The following ZNF66 variants were observed in gnomAD, a reference collection of about 807,000 sequenced individuals.
ZNF66 encodes putative zinc finger protein 66.
ZNF66 carries 32 observed loss-of-function variants against 35.2 expected under a neutral mutation model. That is an observed-to-expected ratio of 0.91 (90% CI 0.69 to 1.22). The LOEUF is 1.22. Ranked by LOEUF, ZNF66 falls within the 50% of genes most tolerant of loss-of-function variation. The pLI, the probability that ZNF66 is intolerant of heterozygous loss-of-function variation, is 0.00. For synonymous variants in ZNF66, 231 were observed against 181.3 expected, an observed-to-expected ratio of 1.27 and a Z score of -2.20; for missense variants, 666 against 543.1, an observed-to-expected ratio of 1.23 and a Z score of -2.25.
At position 20,807,579 on chromosome 19, in the gene ZNF66, ATTC is replaced by A. The variant is rs778950708; in HGVS notation, c.*260_*262del. ...CATAGCCTATAACAATTTTCAATCA[ATTC>A]TTTTTTTTTTTTTTTGAGATGAAGT... On this transcript the variant is annotated 3_prime_UTR_variant, in exon 4 of 4. Transcript: ENST00000344519. Among the ~76,000 whole-genome samples, 1 of 143,066 alleles carries A rather than the reference ATTC, an allele frequency of 7.0e-6. No homozygotes were observed. The highest frequency in any genetic ancestry group is 1.5e-5 in the Non-Finnish European group (1 of 65,826). 93.9% of individuals were successfully genotyped at this position (143,066 alleles called of 152,430 possible). A position where few individuals can be genotyped will look rare whatever the true frequency, so the allele number is the denominator to read the frequency against.
intron 1 of ZNF66, among the ~76,000 whole-genome samples, chr19:20,786,897 G>C (rs1430868243): frequency 6.6e-6 from 1 of 152,126 alleles, no homozygotes; most frequent in Non-Finnish European, 1.5e-5. Flanking sequence ...CAGTAGCTGG[G>C]ATTACAGACA....
At chr19:20,792,837 G>GC (rs1203671087) in intron 2 of ZNF66, among the ~76,000 whole-genome samples, 199 bp downstream of exon 2, 1 of 152,032 alleles carries the variant, frequency 6.6e-6, no homozygotes, top group East Asian at 1.9e-4. Flanking sequence ...GGAGGCTGAG[G>GC]CAGGGGGATT....
intron 1 of ZNF66, among the ~76,000 whole-genome samples, chr19:20,777,771 A>C (rs1474466674): frequency 6.6e-6 from 1 of 152,008 alleles, no homozygotes; most frequent in Non-Finnish European, 1.5e-5. Flanking sequence ...GACTACAGGC[A>C]AGCGCCACCA....
intron 1 of ZNF66, among the ~76,000 whole-genome samples, chr19:20,784,380 A>G (rs1447787093): frequency 2.6e-5 from 4 of 152,186 alleles, no homozygotes; most frequent in Non-Finnish European, 5.9e-5. Flanking sequence ...TACAGTAGAT[A>G]TTTGTCTGAC....
rs376286454 is a variant in ZNF66, at chr19:20,780,470, G to T, written c.3+4020G>T. 3.1e-4 allele frequency among the ~76,000 whole-genome samples: 47 copies of T among 152,198 alleles called. 1 individual carries two copies. In the South Asian group the frequency reaches 9.8e-3, roughly 32 times the overall value. The stretch of plus-strand genomic sequence containing the variant: ...TACCAGATTATTAAAATTCAGAGAG[G>T]TTATGGGACTAACAAGTTTTTAAAC... On this transcript the variant is annotated intron_variant, in intron 1 of 3. Transcript: ENST00000344519.
intron 3 of ZNF66, among the ~76,000 whole-genome samples, chr19:20,795,063 C>T (rs910045124): frequency 3.3e-5 from 5 of 151,824 alleles, no homozygotes; most frequent in African/African-American, 7.2e-5. Context: ...TTGGTAGAGA[C>T]GGTGTTTCAC....
intron 2 of ZNF66, 52 bp downstream of exon 2, chr19:20,792,690 C>T: frequency 1.9e-6 from 2 of 1,032,764 alleles, no homozygotes. Flanking sequence ...TGTTTTATTT[C>T]TCTTTTTTGT....
intron 1 of ZNF66, among the ~76,000 whole-genome samples, chr19:20,776,964 A>T (rs1971200714): frequency 6.6e-6 from 1 of 151,854 alleles, no homozygotes; most frequent in African/African-American, 2.4e-5. Context: ...AAAATACAAA[A>T]ATTAGGTGGA....
At chr19:20,788,610 G>A (rs1338379003) in intron 1 of ZNF66, among the ~76,000 whole-genome samples, 4 of 151,862 alleles carry the variant, frequency 2.6e-5, no homozygotes, top group Admixed American at 2.6e-4. Flanking sequence ...TCACCATCTT[G>A]GTCAGACTGG....
chr19:20,776,470 A>G lies in ZNF66; in HGVS notation c.3+20A>G, dbSNP rs1212520125. ...GAAATGGTGAGAGTGCCGGTCCAGC[A>G]TCCCGAGAGAGGTGAAGTGTCTGTG... is the stretch of plus-strand genomic sequence containing the variant. On this transcript the variant is annotated intron_variant, in intron 1 of 3. Coordinates refer to ENST00000344519, the MANE Select transcript of ZNF66 (RefSeq NM_001355197.2). 1 of 1,542,140 alleles carries G rather than the reference A, an allele frequency of 6.5e-7. No individual in the cohort carries two copies. Among genetic ancestry groups the G allele is most frequent in the East Asian group, 2.3e-5 (1 of 44,318 alleles).
At chr19:20,777,842 C>G (rs1971210100) in intron 1 of ZNF66, among the ~76,000 whole-genome samples, 1 of 151,842 alleles carries the variant, frequency 6.6e-6, no homozygotes. Flanking sequence ...GCCAGGAATG[C>G]TAGTTACCAA....
intron 3 of ZNF66, among the ~76,000 whole-genome samples, chr19:20,795,640 T>TA (rs1350915199): frequency 6.6e-6 from 1 of 152,166 alleles, no homozygotes; most frequent in African/African-American, 2.4e-5. Context: ...TTGCTGGAAT[T>TA]ACAGGTGTGA....
intron 3 of ZNF66, among the ~76,000 whole-genome samples, chr19:20,804,971 G>A (rs1411488999): frequency 3.3e-5 from 5 of 151,950 alleles, no homozygotes; most frequent in East Asian, 1.9e-4. Context: ...AACTTATATC[G>A]TCATTTCCTT....
chr19:20,799,065 C>CTTTTTTTTTTTTTTTTTTT (rs746296804), intron 3 of ZNF66: 3 of 128,142 alleles, frequency 2.3e-5, no homozygotes, highest in Non-Finnish European at 3.3e-5. Flanking sequence ...TTCTTTCTTT[C>CTTTTTTTTTTTTTTTTTTT]TTTTTTTTTT....
At chr19:20,792,325 C>G (rs952257679) in intron 1 of ZNF66, among the ~76,000 whole-genome samples, 187 bp from the exon 2 acceptor site, 2 of 146,678 alleles carry the variant, frequency 1.4e-5, no homozygotes, top group Admixed American at 1.4e-4. Flanking sequence ...TCTTATGTTC[C>G]TTTATTTTCT....
rs1185045288 is a variant in ZNF66, at chr19:20,797,272, C to T, written c.226+3394C>T. On this transcript the variant is annotated intron_variant, in intron 3 of 3. Coordinates refer to ENST00000344519, the MANE Select transcript of ZNF66 (RefSeq NM_001355197.2). The stretch of plus-strand genomic sequence containing the variant: ...CCAGGCTGGAGTGCAGTGGCGCAAT[C>T]TCGGCTCACTGCAGGCTCCGCCCCC... 2.9e-5 allele frequency among the ~76,000 whole-genome samples: 3 copies of T among 104,520 alleles called. 1 individual carries two copies. The highest frequency in any genetic ancestry group is 5.6e-5 in the Non-Finnish European group (3 of 53,460). 68.6% of individuals were successfully genotyped at this position (104,520 alleles called of 152,430 possible). A position where few individuals can be genotyped will look rare whatever the true frequency, so the allele number is the denominator to read the frequency against.
intron 1 of ZNF66, among the ~76,000 whole-genome samples, chr19:20,788,102 G>C (rs1971304332): frequency 6.6e-6 from 1 of 152,164 alleles, no homozygotes. Context: ...GGTATCTTTG[G>C]TTGCTACCCA....
Position 20,806,602 on chromosome 19 carries a change from T to A in ZNF66, c.1002T>A (p.Ile334=). Residue 334 remains isoleucine (I), a synonymous_variant, in exon 4 of 4, where the codon ATT becomes ATA. Transcript: ENST00000344519. The part of the protein sequence containing the change: ...WSSHLTTHKR[I]HTGEKPYKCE... The stretch of plus-strand genomic sequence containing the variant: ...CACACCTTACTACACATAAGAGAAT[T>A]CATACTGGAGAGAAACCCTACAAAT... 2.5e-6 allele frequency: 4 copies of A among 1,593,230 alleles called. No homozygotes were observed. The highest frequency in any genetic ancestry group is 3.4e-6 in the Non-Finnish European group (4 of 1,162,234).
At position 20,809,375 on chromosome 19, in the gene ZNF66, T is replaced by C. The variant is rs1026848532; in HGVS notation, c.*2053T>C. Among the ~76,000 whole-genome samples, 10 of 151,824 alleles carry C rather than the reference T, an allele frequency of 6.6e-5. No individual in the cohort carries two copies. The highest frequency in any genetic ancestry group is 5.3e-4 in the Admixed American group (8 of 15,232). ...AGAAGAGCAACTCCAAGACACATAA[T>C]TGTCAGATTCACCAAAGTTGAAATG... On this transcript the variant is annotated 3_prime_UTR_variant, in exon 4 of 4. Coordinates refer to ENST00000344519, the MANE Select transcript of ZNF66 (RefSeq NM_001355197.2).
Sources: gnomAD v4.1 joint callset for allele counts (sites outside exome capture counted in the v4.1 genomes callset) on GRCh38, gnomAD v4.1.1 for gene constraint, MANE v1.5 for transcripts, NCBI Gene and HGNC (gene_info 2026-07-23, HGNC 2026-07-21) for gene names.